DNAH14: variants seen among roughly 807,000 people sequenced by gnomAD.
DNAH14 encodes the protein axonemal beta dynein heavy chain 14.
A neutral mutation model predicts 520.9 loss-of-function variants in DNAH14; 478 were observed. The observed-to-expected ratio is 0.92, with a 90% CI of 0.85 to 0.99. DNAH14 has a LOEUF of 0.99. Among genes scored for constraint, DNAH14 ranks in the 50% least tolerant of loss-of-function variants. DNAH14 has a pLI of 0.00. For missense variants in DNAH14, 4,831 were observed against 5,234.5 expected, an observed-to-expected ratio of 0.92 and a Z score of 2.38; for synonymous variants, 1,581 against 1,757.2, an observed-to-expected ratio of 0.90 and a Z score of 2.51.
intron 1 of DNAH14, among the ~76,000 whole-genome samples, chr1:224,937,916 C>G (rs1016522192): frequency 2.6e-5 from 4 of 152,082 alleles, no homozygotes; most frequent in African/African-American, 9.7e-5. Flanking sequence ...ACCAACTGAT[C>G]TTTGACAAAG....
At chr1:225,157,751 C>T (rs2081178784) in intron 34 of DNAH14, among the ~76,000 whole-genome samples, 1 of 152,064 alleles carries the variant, frequency 6.6e-6, no homozygotes, top group South Asian at 2.1e-4. Context: ...GTCTGGAACC[C>T]TTTTTTGCTC....
chr1:225,060,564 T>C (rs12030443), intron 17 of DNAH14, among the ~76,000 whole-genome samples: 129,456 of 152,072 alleles, frequency 0.85, 58,694 homozygotes, highest in Non-Finnish European at 1. Flanking sequence ...TGAGGAGCTG[T>C]GTTCCTTTGG....
In DNAH14 at chr1:225,318,591, C is replaced by T. The variant is rs1008075037; in HGVS notation, c.9249C>T (p.Ala3083=). The T allele has an allele frequency of 6.5e-7, 1 of 1,543,948 alleles. No homozygotes were observed. Among genetic ancestry groups the T allele is most frequent in the East Asian group, 2.5e-5 (1 of 40,704 alleles). ...CTATATTTTTATTGCAGAAAACTGCCAATGAACTAAAAAGTGTGCTGCCAG... is the reference window on the plus strand; with the variant it reads ...CTATATTTTTATTGCAGAAAACTGCTAATGAACTAAAAAGTGTGCTGCCAG... The part of the protein sequence containing the change: ...RIVEDYAQKT[A]NELKSVLPAF... Residue 3083 remains alanine (A), a synonymous_variant, in exon 61 of 86, where the codon GCC becomes GCT. Transcript: ENST00000682510.
chr1:225,055,633 C>A (rs1326350176), intron 17 of DNAH14, among the ~76,000 whole-genome samples: 1 of 151,630 alleles, frequency 6.6e-6, no homozygotes, highest in Non-Finnish European at 1.5e-5. Flanking sequence ...TGTGCTGCAC[C>A]CATTAACTCG....
At chr1:225,041,864 G>A (rs1482280) in intron 12 of DNAH14, among the ~76,000 whole-genome samples, 8,388 of 152,174 alleles carry the variant, frequency 0.055, 474 homozygotes, top group East Asian at 0.24. Flanking sequence ...AATTGTCTGG[G>A]TGGACTTTCT....
At chr1:225,163,250 T>C (rs2081707520) in intron 35 of DNAH14, among the ~76,000 whole-genome samples, 1 of 152,116 alleles carries the variant, frequency 6.6e-6, no homozygotes, top group South Asian at 2.1e-4. Context: ...GTTCCAATTG[T>C]TTTTTGGTAG....
chr1:225,074,589 C>T (rs1373148816), intron 17 of DNAH14, among the ~76,000 whole-genome samples: 1 of 152,120 alleles, frequency 6.6e-6, no homozygotes, highest in African/African-American at 2.4e-5. Flanking sequence ...GTTTTCTAAT[C>T]TCTATCACAT....
intron 26 of DNAH14, among the ~76,000 whole-genome samples, chr1:225,121,760 G>A (rs1338011892): frequency 6.6e-6 from 1 of 152,024 alleles, no homozygotes; most frequent in African/African-American, 2.4e-5. Context: ...AGAATCCCTT[G>A]AACCCGGGAG....
intron 21 of DNAH14, among the ~76,000 whole-genome samples, chr1:225,090,869 G>A (rs1298154414): frequency 1.3e-5 from 2 of 152,108 alleles, no homozygotes; most frequent in African/African-American, 4.8e-5. Context: ...GAAAATTTAT[G>A]TATTAGATTT....
intron 60 of DNAH14, among the ~76,000 whole-genome samples, chr1:225,314,135 A>G (rs1386693730): frequency 1.3e-5 from 2 of 152,214 alleles, no homozygotes; most frequent in East Asian, 3.8e-4. Context: ...TATTGGGTGC[A>G]TATGTATTTA....
At chr1:224,942,476 C>G (rs566675468) in intron 1 of DNAH14, among the ~76,000 whole-genome samples, 1 of 152,242 alleles carries the variant, frequency 6.6e-6, no homozygotes, top group African/African-American at 2.4e-5. Context: ...TTCCACTTTT[C>G]CTAATTGAAT....
In DNAH14 at chr1:225,260,618, C is replaced by T. The variant is rs1417982627; in HGVS notation, c.7157+1365C>T. ...TGATGCCACAAGCTTTTTTTTTTCC[C>T]CCCCTCAAGATTGCTTTGGCTATTC... is the stretch of plus-strand genomic sequence containing the variant. On this transcript the variant is annotated intron_variant, in intron 46 of 85. Transcript: ENST00000682510. 7.9e-5 allele frequency among the ~76,000 whole-genome samples: 12 copies of T among 151,608 alleles called. No homozygotes were observed. In the East Asian group the frequency reaches 2.3e-3, roughly 29 times the overall value.
chr1:225,322,140 G>C (rs1352981704), intron 61 of DNAH14, among the ~76,000 whole-genome samples: 4 of 128,898 alleles, frequency 3.1e-5, no homozygotes, highest in Admixed American at 2.0e-4. Context: ...GCCCAGGCTG[G>C]AGAACAGTGG....
chr1:225,089,880 C>T (rs905721533), intron 21 of DNAH14, among the ~76,000 whole-genome samples: 9 of 152,212 alleles, frequency 5.9e-5, no homozygotes, highest in South Asian at 2.1e-4. Context: ...AAAGACTGAA[C>T]GCTTTTCCCC....
intron 54 of DNAH14, among the ~76,000 whole-genome samples, chr1:225,287,665 G>A (rs1357050850): frequency 6.6e-6 from 1 of 152,142 alleles, no homozygotes; most frequent in African/African-American, 2.4e-5. Context: ...CAGTAGCAAT[G>A]AGTACACCTA....
At chr1:225,377,474 A>T (rs907621537) in intron 79 of DNAH14, 38 bp downstream of exon 79, 10 of 1,517,968 alleles carry the variant, frequency 6.6e-6, no homozygotes, top group Middle Eastern at 3.4e-4. Flanking sequence ...GTCAAAAATT[A>T]TCAGGCTGGG....
chr1:225,291,937 T>C (rs2093902429), intron 55 of DNAH14, among the ~76,000 whole-genome samples: 1 of 152,114 alleles, frequency 6.6e-6, no homozygotes, highest in Non-Finnish European at 1.5e-5. Flanking sequence ...TTTTTCGTTC[T>C]TTATTTTTTG....
At chr1:224,954,895 G>T in intron 2 of DNAH14, 64 bp from the exon 3 acceptor site, 2 of 1,328,624 alleles carry the variant, frequency 1.5e-6, no homozygotes, top group Admixed American at 2.2e-5. Flanking sequence ...TATGCTAATA[G>T]CTCAGTATTT....
At chr1:225,193,516 T>C (rs1437770797) in intron 38 of DNAH14, among the ~76,000 whole-genome samples, 2 of 151,922 alleles carry the variant, frequency 1.3e-5, no homozygotes, top group African/African-American at 4.8e-5. Flanking sequence ...ATCACAAGAC[T>C]CTATCTCAAA....
Sources: gnomAD v4.1 joint callset for allele counts (sites outside exome capture counted in the v4.1 genomes callset) on GRCh38, gnomAD v4.1.1 for gene constraint, MANE v1.5 for transcripts, NCBI Gene and HGNC (gene_info 2026-07-23, HGNC 2026-07-21) for gene names.